Variants in HAUS6 observed in about 807,000 individuals in gnomAD.
HAUS6 encodes HAUS augmin-like complex subunit 6.
A neutral mutation model predicts 106.8 loss-of-function variants in HAUS6; 80 were observed. The ratio of observed to expected loss-of-function variants is 0.75; its 90% CI spans 0.63 to 0.90. The LOEUF is 0.90. HAUS6 is among the 40% of genes least tolerant of loss of function. HAUS6 has a pLI of 0.00. For synonymous variants in HAUS6, 356 were observed against 379.1 expected (o/e 0.94, Z 0.71); for missense variants, 1,155 against 1,118.1 (o/e 1.03, Z -0.47).
chr9:19,072,324 T>C (rs1248787639), intron 11 of HAUS6, among the ~76,000 whole-genome samples: 4 of 151,924 alleles, frequency 2.6e-5, no homozygotes, highest in Admixed American at 6.6e-5. Context: ...ACCAACCTGT[T>C]CAACATGGTG....
Position 19,058,704 on chromosome 9 carries a change from T to G in HAUS6, c.2063A>C (p.Asn688Thr), listed in dbSNP as rs374074360. The change falls in exon 16 of 17, where the codon AAT becomes ACT. Residue 688 changes from asparagine to threonine, a missense_variant. Physicochemically the swap from Asn to Thr is moderately conservative, Grantham distance 65 (BLOSUM62 0). Transcript: ENST00000380502. ...PPTQNQSDLLNKKVICKQDLE... is the reference protein window; with the variant it reads ...PPTQNQSDLLTKKVICKQDLE... ...ATCTTGCTTGCAAATTACTTTCTTA[T>G]TTAACAAATCTGACTGATTTTGTGT... 2.5e-6 allele frequency: 4 copies of G among 1,613,800 alleles called. No individual in the cohort carries two copies. In the East Asian group the frequency reaches 8.9e-5, roughly 36 times the overall value.
intron 12 of HAUS6, 62 bp from the exon 13 acceptor site, chr9:19,063,642 G>C (rs377458377): frequency 9.2e-7 from 1 of 1,087,878 alleles, no homozygotes; most frequent in Admixed American, 1.7e-5. Context: ...TTCCCTTTAC[G>C]AGTCTATTCT....
rs143595945 is a variant in HAUS6, at chr9:19,086,955, T to A, written c.650+136A>T. The A allele has an allele frequency of 1.1e-5, 7 of 631,834 alleles. No homozygotes were observed. The African/African-American group carries it at 1.3e-4, about 12-fold the overall frequency. The allele number at this position is 631,834 out of a possible 1,614,324, so 39.1% of individuals were successfully genotyped here. A position where few individuals can be genotyped will look rare whatever the true frequency, so the allele number is the denominator to read the frequency against. On this transcript the variant is annotated intron_variant, in intron 6 of 16. Transcript: ENST00000380502. ...GGAAAACTGGATTAGCAGTCATAACTATGCTCTAATCCTATCATCATCTGG... is the reference window on the plus strand; with the variant it reads ...GGAAAACTGGATTAGCAGTCATAACAATGCTCTAATCCTATCATCATCTGG...
intron 4 of HAUS6, 51 bp from the exon 5 acceptor site, chr9:19,089,610 T>C (rs1344522658): frequency 5.7e-6 from 8 of 1,407,538 alleles, no homozygotes; most frequent in East Asian, 2.3e-5. Flanking sequence ...CTGATAGTAG[T>C]GGGTTATCAG....
chr9:19,072,322 G>C (rs1468969397), intron 11 of HAUS6, among the ~76,000 whole-genome samples: 1 of 152,074 alleles, frequency 6.6e-6, no homozygotes, highest in Non-Finnish European at 1.5e-5. Flanking sequence ...AGACCAACCT[G>C]TTCAACATGG....
intron 11 of HAUS6, among the ~76,000 whole-genome samples, chr9:19,072,342 G>A (rs377392067): frequency 2.0e-5 from 3 of 151,990 alleles, no homozygotes; most frequent in African/African-American, 4.8e-5. Flanking sequence ...GTGAAACCCC[G>A]TCTCTACTAA....
intron 11 of HAUS6, among the ~76,000 whole-genome samples, chr9:19,071,479 A>T (rs1051618874): frequency 2.8e-4 from 43 of 152,190 alleles, no homozygotes; most frequent in African/African-American, 9.2e-4. Flanking sequence ...TTCAGAATAA[A>T]TAAGCACACA....
chr9:19,057,938 G>C lies in HAUS6; in HGVS notation c.2806+23C>G, dbSNP rs868440201. On this transcript the variant is annotated intron_variant, in intron 16 of 16. Transcript: ENST00000380502. ...AGAGAAAACTTCAACAGGTGAATAT[G>C]CATAGGTCTATTTAAACCTTACCCT... The C allele has an allele frequency of 3.5e-6, 5 of 1,413,120 alleles. No individual in the cohort carries two copies. The Middle Eastern group carries it at 5.4e-4, about 153-fold the overall frequency. The allele number at this position is 1,413,120 out of a possible 1,614,324, so 87.5% of individuals were successfully genotyped here.
chr9:19,057,703 G>T, intron 16 of HAUS6: 1 of 416,204 alleles, frequency 2.4e-6, no homozygotes, highest in Non-Finnish European at 4.2e-6. Context: ...TCAGTCATTT[G>T]TATTATAAAA....
intron 7 of HAUS6, 146 bp from the exon 8 acceptor site, chr9:19,083,189 G>C (rs1041481344): frequency 2.3e-6 from 1 of 444,066 alleles, no homozygotes; most frequent in Non-Finnish European, 4.0e-6. Context: ...TAGTTTAAAA[G>C]TCCCTTTGGA....
chr9:19,087,587 G>T (rs1837327284), intron 5 of HAUS6, among the ~76,000 whole-genome samples: 1 of 152,122 alleles, frequency 6.6e-6, no homozygotes, highest in Admixed American at 6.6e-5. Context: ...AGGTGCAATG[G>T]CTCACACCTG....
At chr9:19,102,393 G>A in intron 1 of HAUS6, 131 bp downstream of exon 1, 1 of 1,003,434 alleles carries the variant, frequency 1.0e-6, no homozygotes, top group Admixed American at 2.5e-5. Flanking sequence ...AGGAACTTTG[G>A]AGCCAATGCC....
At chr9:19,056,999 A>G (rs918667285) in intron 16 of HAUS6, 20 of 152,340 alleles carry the variant, frequency 1.3e-4, no homozygotes, top group African/African-American at 3.4e-4. Flanking sequence ...ATGAGCTACA[A>G]GAGCAATTTT....
At chr9:19,095,094 T>C (rs1817833270) in intron 2 of HAUS6, among the ~76,000 whole-genome samples, 1 of 151,462 alleles carries the variant, frequency 6.6e-6, no homozygotes, top group African/African-American at 2.4e-5. Context: ...AACAGATATA[T>C]ATGAAGAAGA....
Position 19,096,666 on chromosome 9 carries a change from T to G in HAUS6, c.224+8A>C. On this transcript the variant is annotated splice_region_variant and intron_variant, in intron 2 of 16. Coordinates refer to ENST00000380502, the MANE Select transcript of HAUS6 (RefSeq NM_017645.5). Reference sequence around the variant, plus strand: ...GAAATTTAAGAAAATGAAATTATTTTTCCTTACTTGAAAACTTCTTTGGTG... The same window carrying G: ...GAAATTTAAGAAAATGAAATTATTTGTCCTTACTTGAAAACTTCTTTGGTG... 8.0e-7 allele frequency: 1 copy of G among 1,244,552 alleles called. No homozygotes were observed. The highest frequency in any genetic ancestry group is 1.1e-6 in the Non-Finnish European group (1 of 876,898). 77.1% of individuals were successfully genotyped at this position (1,244,552 alleles called of 1,614,324 possible).
At chr9:19,059,136 A>T (rs1320675121) in intron 15 of HAUS6, 135 bp from the exon 16 acceptor site, 2 of 605,096 alleles carry the variant, frequency 3.3e-6, no homozygotes, top group Non-Finnish European at 5.8e-6. Context: ...GTTGGATGAT[A>T]AGCCTCCACA....
At chr9:19,086,323 G>A (rs1554690478) in intron 7 of HAUS6, among the ~76,000 whole-genome samples, 1 of 134,966 alleles carries the variant, frequency 7.4e-6, no homozygotes, top group Non-Finnish European at 1.6e-5. Flanking sequence ...GGGAGGGGAG[G>A]GGGAAGGGGA....
intron 10 of HAUS6, among the ~76,000 whole-genome samples, 166 bp downstream of exon 10, chr9:19,078,010 A>G (rs1837048291): frequency 2.0e-5 from 3 of 151,846 alleles, no homozygotes; most frequent in African/African-American, 7.3e-5. Context: ...ACAACAAGCT[A>G]TGATCATGCC....
At chr9:19,068,146 A>G (rs749162605) in intron 12 of HAUS6, among the ~76,000 whole-genome samples, 1 of 152,144 alleles carries the variant, frequency 6.6e-6, no homozygotes, top group Admixed American at 6.6e-5. Flanking sequence ...AATCGAAAAC[A>G]TAACTGAGTT....
Sources: gnomAD v4.1 joint callset for allele counts (sites outside exome capture counted in the v4.1 genomes callset) on GRCh38, gnomAD v4.1.1 for gene constraint, MANE v1.5 for transcripts, NCBI Gene and HGNC (gene_info 2026-07-23, HGNC 2026-07-21) for gene names.